Variants in MCTP1 observed in about 807,000 individuals in gnomAD.
The protein encoded by MCTP1 is multiple C2 and transmembrane domain containing 1, also known as multiple C2 and transmembrane domain-containing protein 1.
In MCTP1, 69 loss-of-function variants were observed where a neutral mutation model predicts 120.6. The ratio of observed to expected loss-of-function variants is 0.57; its 90% CI spans 0.47 to 0.70. The LOEUF is 0.70. Among genes scored for constraint, MCTP1 ranks in the 30% least tolerant of loss-of-function variants. The pLI is 0.00. For synonymous variants in MCTP1, 529 were observed against 493.1 expected, an observed-to-expected ratio of 1.07 and a Z score of -0.96; for missense variants, 1,203 against 1,248.8, an observed-to-expected ratio of 0.96 and a Z score of 0.55.
intron 18 of MCTP1, among the ~76,000 whole-genome samples, chr5:94,782,592 C>T (rs1369816667): frequency 1.3e-5 from 2 of 152,060 alleles, no homozygotes; most frequent in African/African-American, 2.4e-5. Context: ...GCAACCCTTC[C>T]CAGAGAAATC....
chr5:95,219,060 T>G (rs530810742), intron 1 of MCTP1, among the ~76,000 whole-genome samples: 2 of 152,310 alleles, frequency 1.3e-5, no homozygotes, highest in Non-Finnish European at 2.9e-5. Flanking sequence ...AAAAATGATT[T>G]TTCTAATTTG....
chr5:94,979,716 T>C (rs1828976390), intron 2 of MCTP1: 1 of 151,810 alleles, frequency 6.6e-6, no homozygotes, highest in Non-Finnish European at 1.5e-5. Context: ...ATAGTAACAC[T>C]AGATAGAAAA....
chr5:94,919,539 G>A (rs907472518), intron 7 of MCTP1, among the ~76,000 whole-genome samples: 8 of 152,060 alleles, frequency 5.3e-5, no homozygotes, highest in Non-Finnish European at 8.8e-5. Flanking sequence ...ACACTGAAAC[G>A]GGGAGTGAAA....
intron 1 of MCTP1, among the ~76,000 whole-genome samples, chr5:95,047,396 C>T (rs141949598): frequency 7.9e-5 from 12 of 152,178 alleles, no homozygotes; most frequent in African/African-American, 2.9e-4. Context: ...CTTTGAAAGT[C>T]AAGTCCTGGG....
intron 22 of MCTP1, 114 bp from the exon 23 acceptor site, chr5:94,707,681 G>T: frequency 1.3e-6 from 1 of 740,812 alleles, no homozygotes; most frequent in Non-Finnish European, 2.4e-6. Flanking sequence ...CACTCTAGAA[G>T]CTGTATGGGA....
At chr5:94,968,056 G>C (rs1333779990) in intron 2 of MCTP1, among the ~76,000 whole-genome samples, 2 of 152,100 alleles carry the variant, frequency 1.3e-5, no homozygotes, top group African/African-American at 4.8e-5. Flanking sequence ...CCCTCAGCTT[G>C]TTGTGATTCC....
At chr5:94,957,238 G>A (rs1337815893) in intron 2 of MCTP1, among the ~76,000 whole-genome samples, 2 of 152,116 alleles carry the variant, frequency 1.3e-5, no homozygotes, top group Non-Finnish European at 1.5e-5. Flanking sequence ...TCACCACCAA[G>A]CCTGCCTTAC....
Position 94,779,119 on chromosome 5 carries a change from T to G in MCTP1, c.2601A>C (p.Lys867Asn). 6.2e-7 allele frequency: 1 copy of G among 1,613,588 alleles called. No individual in the cohort carries two copies. Among genetic ancestry groups the G allele is most frequent in the African/African-American group, 1.3e-5 (1 of 75,030 alleles). Residue 867 changes from lysine to asparagine, a missense_variant, in exon 19 of 23, where the codon AAA becomes AAC. By Grantham distance (94) the Lys-to-Asn change is moderately conservative (BLOSUM62 0). This residue lies in a region of MCTP1 where 740 missense variants were observed against 871.1 expected (regional missense o/e 0.85). Transcript: ENST00000515393. ...MLEDEEEEDD[K>N]DDKDSEKKGF... ...TGGGAAAGATAATTACCTTGTCATC[T>G]TTGTCATCTTCTTCTTCCTCGTCCT...
intron 17 of MCTP1, among the ~76,000 whole-genome samples, chr5:94,820,356 C>A (rs890301938): frequency 6.6e-6 from 1 of 152,188 alleles, no homozygotes; most frequent in Admixed American, 6.5e-5. Flanking sequence ...TGGCGAAGGA[C>A]TCACAGGAAG....
At chr5:94,733,868 G>T (rs933482184) in intron 19 of MCTP1, among the ~76,000 whole-genome samples, 11 of 151,834 alleles carry the variant, frequency 7.2e-5, no homozygotes, top group African/African-American at 2.7e-4. Flanking sequence ...GGAGGCTGAG[G>T]CAGGAGAATT....
At chr5:94,846,201 T>G (rs114628599) in intron 17 of MCTP1, among the ~76,000 whole-genome samples, 1 of 152,136 alleles carries the variant, frequency 6.6e-6, no homozygotes, top group Non-Finnish European at 1.5e-5. Flanking sequence ...CATATGCACA[T>G]GTATGCTCAT....
intron 2 of MCTP1, among the ~76,000 whole-genome samples, chr5:94,989,651 G>A (rs927769033): frequency 6.6e-6 from 1 of 152,062 alleles, no homozygotes; most frequent in African/African-American, 2.4e-5. Context: ...TGGTGGCTGG[G>A]GTCTCTAGAT....
intron 1 of MCTP1, among the ~76,000 whole-genome samples, chr5:95,213,708 C>T (rs1191444935): frequency 6.6e-6 from 1 of 151,376 alleles, no homozygotes; most frequent in Non-Finnish European, 1.5e-5. Context: ...GAAATAATGC[C>T]ACATATCTAC....
intron 1 of MCTP1, among the ~76,000 whole-genome samples, chr5:95,201,464 G>GTTTT (rs70978174): frequency 1.0e-5 from 1 of 97,192 alleles, no homozygotes; most frequent in African/African-American, 4.1e-5. Flanking sequence ...AGGAAAAGTG[G>GTTTT]TTTTTTTTTT....
chr5:95,238,364 C>A (rs1024365145), intron 1 of MCTP1, among the ~76,000 whole-genome samples: 1 of 152,110 alleles, frequency 6.6e-6, no homozygotes, highest in South Asian at 2.1e-4. Flanking sequence ...AATAGAATTG[C>A]GTTTTTGCTA....
At chr5:95,150,921 T>C (rs1760837489) in intron 1 of MCTP1, among the ~76,000 whole-genome samples, 1 of 152,030 alleles carries the variant, frequency 6.6e-6, no homozygotes, top group African/African-American at 2.4e-5. Context: ...AATAAACGCA[T>C]ATGTTGTAAT....
chr5:95,103,801 A>G (rs577048324), intron 1 of MCTP1, among the ~76,000 whole-genome samples: 3 of 152,306 alleles, frequency 2.0e-5, no homozygotes, highest in African/African-American at 7.2e-5. Flanking sequence ...AAATTGCTAC[A>G]ACTCAATATG....
intron 10 of MCTP1, 86 bp from the exon 11 acceptor site, chr5:94,894,921 A>C: frequency 1.3e-6 from 1 of 773,936 alleles, no homozygotes. Flanking sequence ...ATGAAACATA[A>C]ATCAATAGAA....
intron 9 of MCTP1, among the ~76,000 whole-genome samples, chr5:94,910,642 A>G (rs920340233): frequency 2.6e-5 from 4 of 152,198 alleles, no homozygotes; most frequent in African/African-American, 7.2e-5. Context: ...ACACATGTCC[A>G]TTGCTGGGTT....
Sources: gnomAD v4.1 joint callset for allele counts (sites outside exome capture counted in the v4.1 genomes callset) on GRCh38, gnomAD v4.1.1 for gene constraint, gnomAD v4.1.1 regional missense constraint, MANE v1.5 for transcripts, NCBI Gene and HGNC (gene_info 2026-07-23, HGNC 2026-07-21) for gene names.